LRRIQ1: variants seen among roughly 807,000 people sequenced by gnomAD.
LRRIQ1 encodes the protein leucine-rich repeat- and IQ domain-containing protein 1.
In LRRIQ1, 210 loss-of-function variants were observed where a neutral mutation model predicts 211.9. The ratio of observed to expected loss-of-function variants is 0.99; its 90% CI spans 0.89 to 1.11. The LOEUF (loss-of-function observed/expected upper bound fraction) is 1.11, where lower values mean the gene tolerates loss of function less well. Among genes scored for constraint, LRRIQ1 ranks in the 50% most tolerant of loss-of-function variants. The pLI, the probability that LRRIQ1 is intolerant of heterozygous loss-of-function variation, is 0.00. For synonymous variants in LRRIQ1, 699 were observed against 650.1 expected, an observed-to-expected ratio of 1.08 and a Z score of -1.14; for missense variants, 2,136 against 1,939.5, an observed-to-expected ratio of 1.10 and a Z score of -1.90.
At chr12:85,125,172 C>A (rs1888291531) in intron 17 of LRRIQ1, among the ~76,000 whole-genome samples, 1 of 151,964 alleles carries the variant, frequency 6.6e-6, no homozygotes, top group African/African-American at 2.4e-5. Context: ...GAGCGAGACT[C>A]CATCTCAAAA....
At chr12:85,131,292 C>G (rs114911469) in intron 18 of LRRIQ1, among the ~76,000 whole-genome samples, 2 of 151,956 alleles carry the variant, frequency 1.3e-5, no homozygotes, top group Admixed American at 1.3e-4. Flanking sequence ...CACAGACACT[C>G]CTTCATTTCA....
intron 8 of LRRIQ1, among the ~76,000 whole-genome samples, chr12:85,064,802 G>A (rs1882255843): frequency 6.6e-6 from 1 of 151,742 alleles, no homozygotes; most frequent in South Asian, 2.1e-4. Flanking sequence ...TCCAATGTAT[G>A]TTCTTGGCAC....
At chr12:85,068,354 T>G (rs77807707) in intron 10 of LRRIQ1, among the ~76,000 whole-genome samples, 394 of 152,050 alleles carry the variant, frequency 2.6e-3, no homozygotes, top group African/African-American at 9.0e-3. Context: ...GTTATACTAT[T>G]AGTTTTGCTT....
intron 18 of LRRIQ1, among the ~76,000 whole-genome samples, chr12:85,133,079 C>T (rs189648): frequency 0.56 from 85,401 of 151,778 alleles, 25,178 homozygotes; most frequent in African/African-American, 0.75. Flanking sequence ...ATAAAGTTGT[C>T]AGAAATAAAG....
In LRRIQ1 at chr12:85,242,044, G is replaced by A. The variant is rs113932720; in HGVS notation, c.5017-2745G>A. Among the ~76,000 whole-genome samples the A allele has an allele frequency of 1.3e-3, 204 of 152,038 alleles. 1 individual carries two copies. The highest frequency in any genetic ancestry group is 4.7e-3 in the African/African-American group (194 of 41,522). On this transcript the variant is annotated intron_variant, in intron 26 of 26. Transcript: ENST00000393217. ...GGCAATTACAAACCTTGTAGGTAGG[G>A]CGATAAAAGAGATCCGTTCCAAAAA...
chr12:85,038,330 CT>C (rs747516722), intron 2 of LRRIQ1, 22 bp downstream of exon 2: 10 of 1,454,866 alleles, frequency 6.9e-6, no homozygotes, highest in African/African-American at 1.4e-5. Context: ...ACTTTTGAGC[CT>C]TTTAACAGGA....
In LRRIQ1 at chr12:85,036,412, G is replaced by A. The variant is rs1164982139; in HGVS notation, c.-25+5G>A. On this transcript the variant is annotated splice_donor_5th_base_variant and intron_variant, in intron 1 of 26. Transcript: ENST00000393217. ...AAGGAATCTCGCTGCTGAGGGGTGA[G>A]CCGGGGTCTTAAGACTGGGATTCCC... The A allele has an allele frequency of 6.6e-6, 1 of 152,280 alleles. No individual in the cohort carries two copies. Among genetic ancestry groups the A allele is most frequent in the Admixed American group, 6.5e-5 (1 of 15,268 alleles). 9.4% of individuals were successfully genotyped at this position (152,280 alleles called of 1,614,324 possible). A position where few individuals can be genotyped will look rare whatever the true frequency, so the allele number is the denominator to read the frequency against.
At chr12:85,110,893 G>A (rs888164992) in intron 15 of LRRIQ1, among the ~76,000 whole-genome samples, 13 of 152,140 alleles carry the variant, frequency 8.5e-5, no homozygotes, top group Admixed American at 1.3e-4. Flanking sequence ...GAGAATAGAC[G>A]AAGTACTCTC....
chr12:85,047,994 C>CGA, intron 6 of LRRIQ1: 2 of 152,480 alleles, frequency 1.3e-5, no homozygotes, highest in Non-Finnish European at 2.9e-5. Flanking sequence ...GTGTTGTTTT[C>CGA]CCCCTAGGAG....
Position 85,114,224 on chromosome 12 carries a change from T to C in LRRIQ1, c.3378-7473T>C, listed in dbSNP as rs190000460. On this transcript the variant is annotated intron_variant, in intron 15 of 26. Coordinates refer to ENST00000393217, the MANE Select transcript of LRRIQ1 (RefSeq NM_001079910.2). Reference sequence around the variant, plus strand: ...AGTAATACTGTTTATAATGAAAATATCTGATGGGTTGTTTTTAGGTGGATT... The same window carrying C: ...AGTAATACTGTTTATAATGAAAATACCTGATGGGTTGTTTTTAGGTGGATT... 6.8e-4 allele frequency among the ~76,000 whole-genome samples: 103 copies of C among 152,190 alleles called. No individual in the cohort carries two copies. In the Middle Eastern group the frequency reaches 0.01, roughly 15 times the overall value.
chr12:85,235,727 G>C (rs1230212182), intron 26 of LRRIQ1, among the ~76,000 whole-genome samples: 1 of 152,122 alleles, frequency 6.6e-6, no homozygotes. Flanking sequence ...GTATTCATGA[G>C]TGCAACAACT....
At chr12:85,215,322 G>T (rs1225030053) in intron 24 of LRRIQ1, among the ~76,000 whole-genome samples, 1 of 152,166 alleles carries the variant, frequency 6.6e-6, no homozygotes, top group East Asian at 1.9e-4. Flanking sequence ...ATCATAGGAA[G>T]CCTTGCACAA....
At position 85,124,144 on chromosome 12, in the gene LRRIQ1, A is replaced by C. The variant is rs1275614167; in HGVS notation, c.3632A>C (p.Tyr1211Ser). 3.1e-6 allele frequency: 5 copies of C among 1,614,136 alleles called. No individual in the cohort carries two copies. In the South Asian group the frequency reaches 4.4e-5, roughly 14 times the overall value. ...AAATTGATGATACTTAGTACTGAAT[A>C]CCGACATGCACACGAACGAGGGGAT... ...FKKLMILSTE[Y>S]RHAHERGDVT... The change falls in exon 17 of 27, where the codon TAC becomes TCC. Residue 1211 changes from tyrosine (Y) to serine (S), a missense_variant. Tyr to Ser is a moderately radical substitution (Grantham distance 144). Coordinates refer to ENST00000393217, the MANE Select transcript of LRRIQ1 (RefSeq NM_001079910.2).
chr12:85,070,333 A>G (rs1018589872), intron 10 of LRRIQ1, among the ~76,000 whole-genome samples: 3 of 151,950 alleles, frequency 2.0e-5, no homozygotes, highest in Non-Finnish European at 4.4e-5. Flanking sequence ...TCTAATGTTC[A>G]TCCGTTAATT....
intron 24 of LRRIQ1, among the ~76,000 whole-genome samples, chr12:85,217,490 ATGTATATATATATATATATGTGTGTG>A (rs1476113555): frequency 7.1e-5 from 6 of 84,084 alleles, no homozygotes; most frequent in African/African-American, 3.3e-4. Context: ...ATATATATAT[ATGTATATATATATATATATGTGTGTG>A]TGTGTGTGTG....
At chr12:85,217,539 TGTGTGTGTG>T (rs1894178597) in intron 24 of LRRIQ1, among the ~76,000 whole-genome samples, 1 of 121,396 alleles carries the variant, frequency 8.2e-6, no homozygotes, top group African/African-American at 3.9e-5. Context: ...TGTGTGTGTG[TGTGTGTGTG>T]TGTATATAGG....
At chr12:85,265,507 C>T (rs945853209), downstream of LRRIQ1, among the ~76,000 whole-genome samples, 4 of 151,936 alleles carry the variant, frequency 2.6e-5, no homozygotes, top group Admixed American at 1.3e-4. Context: ...GATATTTTTA[C>T]TTACCTAGAT....
intron 3 of LRRIQ1, among the ~76,000 whole-genome samples, chr12:85,043,933 A>C (rs2135899006): frequency 6.6e-6 from 1 of 152,254 alleles, no homozygotes. Flanking sequence ...TAATTTATGA[A>C]AAAAAGAGTT....
chr12:85,072,097 A>T (rs1467380096), intron 10 of LRRIQ1, among the ~76,000 whole-genome samples: 1 of 152,036 alleles, frequency 6.6e-6, no homozygotes, highest in East Asian at 1.9e-4. Flanking sequence ...TCGTATTGAC[A>T]TACTTAAATC....
Sources: allele counts gnomAD v4.1 joint callset (sites outside exome capture counted in the v4.1 genomes callset), GRCh38; gene constraint gnomAD v4.1.1; transcripts MANE v1.5; gene names NCBI Gene and HGNC (gene_info 2026-07-23, HGNC 2026-07-21).